CCDC18: variants seen among roughly 807,000 people sequenced by gnomAD.
The protein encoded by CCDC18 is coiled-coil domain containing 18, also known as coiled-coil domain-containing protein 18.
Under a neutral mutation model 196.0 loss-of-function variants are expected in CCDC18, and 157 were observed. That is an observed-to-expected ratio of 0.80 (90% CI 0.70 to 0.91). The LOEUF (loss-of-function observed/expected upper bound fraction) is 0.91. Ranked by LOEUF, CCDC18 falls within the 40% of genes least tolerant of loss-of-function variation. The pLI is 0.00. For synonymous variants in CCDC18, 482 were observed against 529.2 expected, an observed-to-expected ratio of 0.91 and a Z score of 1.22; for missense variants, 1,465 against 1,611.6, an observed-to-expected ratio of 0.91 and a Z score of 1.56.
At chr1:93,194,236 A>C (rs918664604) in intron 6 of CCDC18, among the ~76,000 whole-genome samples, 1 of 152,184 alleles carries the variant, frequency 6.6e-6, no homozygotes, top group Non-Finnish European at 1.5e-5. Context: ...TGTATAAATT[A>C]TATCTTGAGA....
At chr1:93,181,159 T>TTAAAAAAA (rs777168910) in intron 1 of CCDC18, among the ~76,000 whole-genome samples, 6,982 of 89,910 alleles carry the variant, frequency 0.078, 1,108 homozygotes, top group African/African-American at 0.29. Context: ...TCTATAAAAT[T>TTAAAAAAA]AAAAAAAAAA....
At chr1:93,193,118 A>G (rs976755614) in intron 5 of CCDC18, among the ~76,000 whole-genome samples, 1 of 152,184 alleles carries the variant, frequency 6.6e-6, no homozygotes, top group African/African-American at 2.4e-5. Context: ...CTTTTGTATA[A>G]TATAATTATT....
chr1:93,236,186 A>T, intron 18 of CCDC18, 62 bp from the exon 19 acceptor site: 1 of 1,310,018 alleles, frequency 7.6e-7, no homozygotes, highest in Non-Finnish European at 1.1e-6. Context: ...AAGCTAGGTT[A>T]CATATTTATA....
chr1:93,180,208 A>G (rs142387027), upstream of CCDC18: 10 of 1,612,728 alleles, frequency 6.2e-6, no homozygotes, highest in African/African-American at 1.2e-4. Flanking sequence ...GGCCAGAAGG[A>G]GCACGGGGAA....
upstream of CCDC18, chr1:93,180,540 C>G: frequency 9.3e-6 from 14 of 1,505,030 alleles, no homozygotes; most frequent in Non-Finnish European, 1.1e-5. Flanking sequence ...CATGGCTTCC[C>G]CCACCAATGG....
intron 17 of CCDC18, among the ~76,000 whole-genome samples, chr1:93,228,513 A>C (rs911495857): frequency 5.3e-5 from 8 of 152,122 alleles, no homozygotes. Context: ...AGTTTAAAAA[A>C]AAAAAAAAAA....
At chr1:93,222,416 CAA>C (rs539185789) in intron 16 of CCDC18, among the ~76,000 whole-genome samples, 1 of 147,676 alleles carries the variant, frequency 6.8e-6, no homozygotes, top group Admixed American at 6.8e-5. Context: ...TTAACATTAC[CAA>C]AAAAAAAGAA....
intron 26 of CCDC18, among the ~76,000 whole-genome samples, chr1:93,261,696 C>T (rs1196897001): frequency 3.3e-5 from 5 of 152,130 alleles, no homozygotes; most frequent in Admixed American, 3.3e-4. Flanking sequence ...TGGAGTTTAA[C>T]ATAAATGTTA....
chr1:93,208,854 C>T (rs542219780), intron 9 of CCDC18, among the ~76,000 whole-genome samples: 76 of 151,762 alleles, frequency 5.0e-4, no homozygotes, highest in African/African-American at 1.7e-3. Flanking sequence ...TTAGTAGAGA[C>T]GGGGTTACAC....
intron 8 of CCDC18, among the ~76,000 whole-genome samples, chr1:93,206,776 G>A (rs1654773296): frequency 6.6e-6 from 1 of 152,258 alleles, no homozygotes; most frequent in South Asian, 2.1e-4. Flanking sequence ...GGATTTTGAA[G>A]TTAGATTTCC....
intron 1 of CCDC18, among the ~76,000 whole-genome samples, chr1:93,181,760 G>A (rs1336623154): frequency 6.6e-6 from 1 of 151,846 alleles, no homozygotes; most frequent in Non-Finnish European, 1.5e-5. Context: ...GATTACAGGC[G>A]CTCGCCACCA....
intron 14 of CCDC18, among the ~76,000 whole-genome samples, chr1:93,221,353 C>T (rs1054818730): frequency 1.3e-5 from 2 of 151,160 alleles, no homozygotes; most frequent in African/African-American, 2.4e-5. Context: ...ATTGTGGTTT[C>T]GATTTGCATT....
At chr1:93,233,672 C>T (rs1659582675) in intron 18 of CCDC18, among the ~76,000 whole-genome samples, 2 of 152,156 alleles carry the variant, frequency 1.3e-5, no homozygotes, top group South Asian at 4.1e-4. Flanking sequence ...GATCTCAGCT[C>T]ACTGCAACCT....
Position 93,205,163 on chromosome 1 carries a change from T to C in CCDC18, c.796-347T>C, listed in dbSNP as rs79700783. On this transcript the variant is annotated intron_variant, in intron 7 of 28. Transcript: ENST00000690025. ...ACATTTTGGGCTGTGGTTTCGTTGG[T>C]AAATTTTGTGGTTCAAATTTCAAAA... is the stretch of plus-strand genomic sequence containing the variant. 9.4e-3 allele frequency among the ~76,000 whole-genome samples: 1,433 copies of C among 152,294 alleles called. 13 individuals are homozygous for C. The highest frequency in any genetic ancestry group is 0.015 in the Non-Finnish European group (1,022 of 67,996).
At chr1:93,200,165 C>G (rs990893405) in intron 6 of CCDC18, among the ~76,000 whole-genome samples, 1 of 151,734 alleles carries the variant, frequency 6.6e-6, no homozygotes, top group South Asian at 2.1e-4. Flanking sequence ...TTTGTAGAGA[C>G]GATCTCACTA....
At chr1:93,180,953 C>A in intron 1 of CCDC18, 101 bp downstream of exon 1, 1 of 1,148,536 alleles carries the variant, frequency 8.7e-7, no homozygotes, top group Non-Finnish European at 1.2e-6. Flanking sequence ...CCTCCCGGCA[C>A]CTTGGATGCG....
intron 5 of CCDC18, among the ~76,000 whole-genome samples, chr1:93,193,398 A>C (rs567808143): frequency 1.3e-5 from 2 of 152,290 alleles, no homozygotes; most frequent in Non-Finnish European, 2.9e-5. Context: ...GTGAGTTATT[A>C]CTTCAGATAT....
intron 13 of CCDC18, among the ~76,000 whole-genome samples, chr1:93,217,494 C>G (rs1013761574): frequency 3.3e-5 from 5 of 152,244 alleles, no homozygotes; most frequent in African/African-American, 1.2e-4. Context: ...GTTCAGGCTG[C>G]AGTGCAGTGG....
At chr1:93,192,171 T>A (rs781381673) in intron 5 of CCDC18, 65 bp downstream of exon 5, 2 of 1,090,766 alleles carry the variant, frequency 1.8e-6, no homozygotes, top group Non-Finnish European at 2.8e-6. Context: ...TATATCTTGT[T>A]AAATCTTGTT....
Sources: gnomAD v4.1 joint callset for allele counts (sites outside exome capture counted in the v4.1 genomes callset) on GRCh38, gnomAD v4.1.1 for gene constraint, MANE v1.5 for transcripts, NCBI Gene and HGNC (gene_info 2026-07-23, HGNC 2026-07-21) for gene names.